The following PHF20 variants were observed in gnomAD, a reference collection of about 807,000 sequenced individuals.
PHF20 encodes glioma-expressed antigen 2.
PHF20 carries 23 observed loss-of-function variants against 113.5 expected under a neutral mutation model. That is an observed-to-expected ratio of 0.20 (90% CI 0.15 to 0.29). The LOEUF is 0.29. Ranked by LOEUF, PHF20 falls within the 10% of genes least tolerant of loss-of-function variation. The pLI, the probability that PHF20 is intolerant of heterozygous loss-of-function variation, is 1.00. For missense variants in PHF20, 943 were observed against 1,219.6 expected (o/e 0.77, Z 3.38); for synonymous variants, 434 against 457.3 (o/e 0.95, Z 0.65).
chr20:35,899,229 T>C, intron 9 of PHF20, 141 bp from the exon 10 acceptor site: 1 of 634,592 alleles, frequency 1.6e-6, no homozygotes, highest in Non-Finnish European at 2.7e-6. Context: ...AAACAGTAAT[T>C]TGAGGAGGTA....
At chr20:35,810,284 G>A (rs538043063) in intron 2 of PHF20, among the ~76,000 whole-genome samples, 92 of 152,178 alleles carry the variant, frequency 6.0e-4, no homozygotes, top group Admixed American at 4.0e-3. Context: ...GTAAATCCAC[G>A]GACTGGATTG....
At chr20:35,813,388 G>A (rs1015777773) in intron 2 of PHF20, among the ~76,000 whole-genome samples, 1 of 152,164 alleles carries the variant, frequency 6.6e-6, no homozygotes, top group South Asian at 2.1e-4. Flanking sequence ...TGTCCAGTGG[G>A]ATGCTGTTTA....
In PHF20 at chr20:35,948,100, A is replaced by G. The variant is rs6060709; in HGVS notation, c.*473A>G. 0.26 allele frequency: 42,805 copies of G among 166,780 alleles called. 6,610 individuals carry two copies. The highest frequency in any genetic ancestry group is 0.45 in the African/African-American group (18,607 of 41,806). 10.3% of individuals were successfully genotyped at this position (166,780 alleles called of 1,614,324 possible). On this transcript the variant is annotated 3_prime_UTR_variant, in exon 18 of 18. Transcript: ENST00000374012. ...TTTCCTTTTCTAGCTTCATAGGAAT[A>G]TTGTGAGCTCACCATGCTGTGGAGG...
At position 35,914,979 on chromosome 20, in the gene PHF20, AC is replaced by A. The variant is rs1568758123; in HGVS notation, c.1825+783del. Among the ~76,000 whole-genome samples, 5 of 148,828 alleles carry A rather than the reference AC, an allele frequency of 3.4e-5. No homozygotes were observed. The East Asian group carries it at 7.8e-4, about 23-fold the overall frequency. On this transcript the variant is annotated intron_variant, in intron 12 of 17. Transcript: ENST00000374012. ...ACTCCGTCTCAAAAAAAAAAAAAAA[AC>A]AGTAAAATATGTTATATATATACAT... is the stretch of plus-strand genomic sequence containing the variant.
chr20:35,914,052 G>A lies in PHF20; in HGVS notation c.1680G>A (p.Glu560=). ...KTKPECPCSE[E]ISDTSQEPSP... ...TTCCAGAATGCCCCTGCAGTGAGGAGATCAGTGACACCTCCCAGGAACCTT... is the reference window on the plus strand; with the variant it reads ...TTCCAGAATGCCCCTGCAGTGAGGAAATCAGTGACACCTCCCAGGAACCTT... The change falls in exon 12 of 18, where the codon GAG becomes GAA. Residue 560 remains glutamate (E), a synonymous_variant. Transcript: ENST00000374012. 6.2e-7 allele frequency: 1 copy of A among 1,614,168 alleles called. No homozygotes were observed. Among genetic ancestry groups the A allele is most frequent in the Non-Finnish European group, 8.5e-7 (1 of 1,180,024 alleles).
At chr20:35,858,919 T>G (rs1442188521) in intron 5 of PHF20, among the ~76,000 whole-genome samples, 1 of 152,198 alleles carries the variant, frequency 6.6e-6, no homozygotes, top group Admixed American at 6.5e-5. Context: ...GCCAAATGCT[T>G]GGATACCATT....
chr20:35,943,912 C>T (rs539848742), intron 17 of PHF20, among the ~76,000 whole-genome samples: 1 of 152,288 alleles, frequency 6.6e-6, no homozygotes, highest in Non-Finnish European at 1.5e-5. Flanking sequence ...AGCCACTGCA[C>T]CCAGCCTGAA....
At chr20:35,936,587 C>T (rs1463055061) in intron 15 of PHF20, among the ~76,000 whole-genome samples, 1 of 152,158 alleles carries the variant, frequency 6.6e-6, no homozygotes, top group Non-Finnish European at 1.5e-5. Flanking sequence ...TCTTTAATAA[C>T]AAACTTTTTT....
In PHF20 at chr20:35,793,995, C is replaced by CAAAAAAAAA. The variant is rs56189104; in HGVS notation, c.-32-7482_-32-7474dup. On this transcript the variant is annotated intron_variant, in intron 1 of 17. Transcript: ENST00000374012. Reference sequence around the variant, plus strand: ...GGGCGACAAGAGCGGGACTCTGTCTCAAAAAAAAAAAAAAAAAAAAAAGGC... The same window carrying CAAAAAAAAA: ...GGGCGACAAGAGCGGGACTCTGTCTCAAAAAAAAAAAAAAAAAAAAAAAAAAAAAAAGGC... Among the ~76,000 whole-genome samples the CAAAAAAAAA allele has an allele frequency of 5.3e-3, 179 of 33,824 alleles. 14 individuals are homozygous for CAAAAAAAAA. The highest frequency in any genetic ancestry group is 0.021 in the African/African-American group (165 of 7,866). The allele number at this position is 33,824 out of a possible 152,430, so 22.2% of individuals were successfully genotyped here. A position where few individuals can be genotyped will look rare whatever the true frequency, so the allele number is the denominator to read the frequency against.
intron 5 of PHF20, among the ~76,000 whole-genome samples, chr20:35,861,871 A>C (rs2054223898): frequency 6.6e-6 from 1 of 152,032 alleles, no homozygotes; most frequent in South Asian, 2.1e-4. Flanking sequence ...GTATTTAGGT[A>C]CTCCTTCCTG....
intron 3 of PHF20, among the ~76,000 whole-genome samples, chr20:35,844,001 T>TTTTTG (rs1393254985): frequency 6.6e-6 from 1 of 152,154 alleles, no homozygotes; most frequent in Non-Finnish European, 1.5e-5. Context: ...TTTTAAGGTT[T>TTTTTG]TTTTGTTTTG....
Position 35,917,706 on chromosome 20 carries a change from G to C in PHF20, c.2004+44G>C, listed in dbSNP as rs373228001. 91 of 1,528,778 alleles carry C rather than the reference G, an allele frequency of 6.0e-5. No individual in the cohort carries two copies. In the African/African-American group the frequency reaches 1.2e-3, roughly 20 times the overall value. 94.7% of individuals were successfully genotyped at this position (1,528,778 alleles called of 1,614,324 possible). A position where few individuals can be genotyped will look rare whatever the true frequency, so the allele number is the denominator to read the frequency against. On this transcript the variant is annotated intron_variant, in intron 13 of 17. Coordinates refer to ENST00000374012, the MANE Select transcript of PHF20 (RefSeq NM_016436.5). Reference sequence around the variant, plus strand: ...AAACAGGTCTAGAGAAGCACAAACTGGTCCTTGGAGGGAATTTTGAGGCCA... The same window carrying C: ...AAACAGGTCTAGAGAAGCACAAACTCGTCCTTGGAGGGAATTTTGAGGCCA...
intron 16 of PHF20, 152 bp downstream of exon 16, chr20:35,939,260 CAA>C: frequency 1.1e-6 from 1 of 895,758 alleles, no homozygotes; most frequent in Non-Finnish European, 1.6e-6. Context: ...AAAATGGGTG[CAA>C]AGTCAGGAGA....
At chr20:35,789,256 G>T (rs2041488342) in intron 1 of PHF20, among the ~76,000 whole-genome samples, 1 of 151,722 alleles carries the variant, frequency 6.6e-6, no homozygotes, top group Non-Finnish European at 1.5e-5. Context: ...CTAGAGACTA[G>T]CCCGTCTCTA....
At chr20:35,899,342 C>G (rs138182526) in intron 9 of PHF20, 28 bp from the exon 10 acceptor site, 1 of 1,572,242 alleles carries the variant, frequency 6.4e-7, no homozygotes, top group Non-Finnish European at 8.7e-7. Context: ...ATACAAGGAA[C>G]CTTTGCTTTT....
At chr20:35,913,406 G>C (rs2055344694) in intron 11 of PHF20, 59 bp downstream of exon 11, 11 of 1,191,332 alleles carry the variant, frequency 9.2e-6, no homozygotes, top group Middle Eastern at 3.9e-4. Context: ...GGGAGGGGTT[G>C]CTTTCTCCCA....
rs868862925 is a variant in PHF20, at chr20:35,772,045, G to T, written c.-67G>T. Reference sequence around the variant, plus strand: ...GCACGCAGAGTCCTTCTGTCGGTTGGTCCTGGAGCGGCGCAGCCGGAGTGG... The same window carrying T: ...GCACGCAGAGTCCTTCTGTCGGTTGTTCCTGGAGCGGCGCAGCCGGAGTGG... On this transcript the variant is annotated 5_prime_UTR_variant, in exon 1 of 18. Coordinates refer to ENST00000374012, the MANE Select transcript of PHF20 (RefSeq NM_016436.5). 4 of 152,160 alleles carry T rather than the reference G, an allele frequency of 2.6e-5. No individual in the cohort carries two copies. Among genetic ancestry groups the T allele is most frequent in the Admixed American group, 6.6e-5 (1 of 15,262 alleles). 9.4% of individuals were successfully genotyped at this position (152,160 alleles called of 1,614,324 possible).
chr20:35,923,163 C>T (rs1174377650), intron 13 of PHF20, among the ~76,000 whole-genome samples: 1 of 152,154 alleles, frequency 6.6e-6, no homozygotes, highest in Non-Finnish European at 1.5e-5. Context: ...TGGCTGTGTT[C>T]ACATAATACT....
At chr20:35,825,336 A>G (rs2042242358) in intron 2 of PHF20, among the ~76,000 whole-genome samples, 2 of 151,812 alleles carry the variant, frequency 1.3e-5, no homozygotes, top group Non-Finnish European at 2.9e-5. Context: ...TTTTACATTC[A>G]ATAAGAAGTA....
Sources: gnomAD v4.1 joint callset for allele counts (sites outside exome capture counted in the v4.1 genomes callset) on GRCh38, gnomAD v4.1.1 for gene constraint, MANE v1.5 for transcripts, NCBI Gene and HGNC (gene_info 2026-07-23, HGNC 2026-07-21) for gene names.